Variants in PHC3 observed in about 807,000 individuals in gnomAD.
The protein encoded by PHC3 is polyhomeotic homolog 3.
In PHC3, 13 loss-of-function variants were observed where a neutral mutation model predicts 107.4. That is an observed-to-expected ratio of 0.12 (90% CI 0.08 to 0.19). The LOEUF is 0.19. Among genes scored for constraint, PHC3 ranks in the 10% least tolerant of loss-of-function variants. The pLI, the probability that PHC3 is intolerant of heterozygous loss-of-function variation, is 1.00. For synonymous variants in PHC3, 456 were observed against 427.4 expected (o/e 1.07, Z -0.83); for missense variants, 992 against 1,210.9 (o/e 0.82, Z 2.68).
rs770935957 is a variant in PHC3, at chr3:170,136,462, T to C, written c.876A>G (p.Thr292=). Residue 292 remains threonine, a synonymous_variant, in exon 7 of 15, where the codon ACA becomes ACG. Transcript: ENST00000495893. ...GESPSLESRS[T]AVTRTSSIHQ... ...GAATACTTGATGTCCGGGTGACAGC[T>C]GTGCTTCGTGATTCCAGGCTTGGGC... 1 of 1,605,096 alleles carries C rather than the reference T, an allele frequency of 6.2e-7. No homozygotes were observed. The highest frequency in any genetic ancestry group is 8.5e-7 in the Non-Finnish European group (1 of 1,176,786).
intron 2 of PHC3, among the ~76,000 whole-genome samples, chr3:170,177,214 T>G (rs147797987): frequency 0.012 from 1,854 of 152,242 alleles, 39 homozygotes; most frequent in African/African-American, 0.042. Flanking sequence ...TATTTTGAGT[T>G]CCAATATAAA....
chr3:170,124,757 A>T (rs1420122291), intron 8 of PHC3, among the ~76,000 whole-genome samples: 1 of 152,228 alleles, frequency 6.6e-6, no homozygotes, highest in Non-Finnish European at 1.5e-5. Context: ...AACTATTTTA[A>T]AAGTCTGATG....
chr3:170,113,771 G>A (rs987095412), intron 10 of PHC3, among the ~76,000 whole-genome samples: 57 of 152,166 alleles, frequency 3.7e-4, no homozygotes, highest in African/African-American at 1.3e-3. Flanking sequence ...CTGAGTTTAG[G>A]CAAGGAGTTT....
At chr3:170,163,853 ACT>A (rs1322922140) in intron 4 of PHC3, among the ~76,000 whole-genome samples, 1 of 123,516 alleles carries the variant, frequency 8.1e-6, no homozygotes, top group East Asian at 2.6e-4. Flanking sequence ...ACAGTGCAAG[ACT>A]CTGTCCAAAA....
chr3:170,175,689 C>A (rs1409161574), intron 2 of PHC3, among the ~76,000 whole-genome samples: 1 of 151,716 alleles, frequency 6.6e-6, no homozygotes, highest in Non-Finnish European at 1.5e-5. Flanking sequence ...CTTTGGGAGG[C>A]CGAGGCGGGC....
intron 4 of PHC3, chr3:170,170,718 TTAATC>T (rs1245356405): frequency 6.6e-6 from 1 of 152,264 alleles, no homozygotes; most frequent in South Asian, 2.1e-4. Flanking sequence ...CAATAATTGA[TTAATC>T]TGAGTAGAGT....
At chr3:170,116,295 T>C (rs1718953622) in intron 10 of PHC3, among the ~76,000 whole-genome samples, 1 of 152,140 alleles carries the variant, frequency 6.6e-6, no homozygotes, top group Non-Finnish European at 1.5e-5. Flanking sequence ...CCAGGTGCAG[T>C]GGGTCACACT....
chr3:170,144,477 C>T (rs376078764), intron 6 of PHC3, among the ~76,000 whole-genome samples: 1 of 152,254 alleles, frequency 6.6e-6, no homozygotes, highest in African/African-American at 2.4e-5. Flanking sequence ...TGTGTTTTCA[C>T]GTCTCTCAGG....
At chr3:170,168,258 GA>G (rs2108730101) in intron 4 of PHC3, among the ~76,000 whole-genome samples, 1 of 152,192 alleles carries the variant, frequency 6.6e-6, no homozygotes, top group South Asian at 2.1e-4. Context: ...AGTAAAAAAG[GA>G]AAAGAAATAT....
intron 7 of PHC3, among the ~76,000 whole-genome samples, chr3:170,135,498 AACACACATACACATAC>A (rs1722930696): frequency 6.7e-6 from 1 of 149,962 alleles, no homozygotes; most frequent in South Asian, 2.1e-4. Context: ...AGCCCAGTGC[AACACACATACACATAC>A]ACACACACTC....
intron 6 of PHC3, among the ~76,000 whole-genome samples, chr3:170,140,198 T>G (rs968725706): frequency 6.7e-6 from 1 of 148,238 alleles, no homozygotes; most frequent in Non-Finnish European, 1.5e-5. Flanking sequence ...ATAGCCTTAC[T>G]GGGGAATACT....
At position 170,128,967 on chromosome 3, in the gene PHC3, G is replaced by A. The variant is rs946381603; in HGVS notation, c.1505C>T (p.Ser502Leu). ...TGGGATTGGAGAGGACTGCAGGGATGAATATTGCTGGTGTGATGGAGAGAC... is the reference window on the plus strand; with the variant it reads ...TGGGATTGGAGAGGACTGCAGGGATAAATATTGCTGGTGTGATGGAGAGAC... ...QIVSPSHQQY[S>L]SLQSSPIPIA... The change falls in exon 8 of 15, where the codon TCA becomes TTA. Residue 502 changes from serine (S) to leucine (L), a missense_variant. By Grantham distance (145) the Ser-to-Leu change is moderately radical (BLOSUM62 -2). Coordinates refer to ENST00000495893, the MANE Select transcript of PHC3 (RefSeq NM_024947.4). 7 of 1,613,904 alleles carry A rather than the reference G, an allele frequency of 4.3e-6. No homozygotes were observed. The African/African-American group carries it at 8.0e-5, about 18-fold the overall frequency.
At chr3:170,111,023 A>T (rs1164808662) in intron 11 of PHC3, among the ~76,000 whole-genome samples, 1 of 152,220 alleles carries the variant, frequency 6.6e-6, no homozygotes, top group East Asian at 1.9e-4. Flanking sequence ...AATTAAAGGA[A>T]ATGAAATTCA....
chr3:170,117,732 G>GCA (rs1354442190), intron 9 of PHC3, among the ~76,000 whole-genome samples: 1 of 151,712 alleles, frequency 6.6e-6, no homozygotes, highest in Non-Finnish European at 1.5e-5. Flanking sequence ...GCACAATGGC[G>GCA]CATGCCTGTA....
chr3:170,096,611 CTCAG>C lies in PHC3; in HGVS notation c.*615_*618del, dbSNP rs1714671772. The C allele has an allele frequency of 6.6e-6, 1 of 152,266 alleles. No homozygotes were observed. The highest frequency in any genetic ancestry group is 6.5e-5 in the Admixed American group (1 of 15,270). 9.4% of individuals were successfully genotyped at this position (152,266 alleles called of 1,614,324 possible). A position where few individuals can be genotyped will look rare whatever the true frequency, so the allele number is the denominator to read the frequency against. On this transcript the variant is annotated 3_prime_UTR_variant, in exon 15 of 15. Coordinates refer to ENST00000495893, the MANE Select transcript of PHC3 (RefSeq NM_024947.4). ...GTACAAAAACTGAGAGGAAAACGTT[CTCAG>C]TCAAACCAAATTCTTGGTCAAGTTT...
chr3:170,173,105 T>C (rs1482338094), intron 2 of PHC3, among the ~76,000 whole-genome samples: 1 of 150,996 alleles, frequency 6.6e-6, no homozygotes, highest in Non-Finnish European at 1.5e-5. Context: ...GGCAGGAGAA[T>C]CGCTTGAACC....
intron 7 of PHC3, among the ~76,000 whole-genome samples, chr3:170,129,991 G>A (rs1196374640): frequency 4.6e-5 from 7 of 152,166 alleles, no homozygotes; most frequent in African/African-American, 1.4e-4. Context: ...GAGCCATCAC[G>A]CCTGGCCTGA....
intron 4 of PHC3, among the ~76,000 whole-genome samples, chr3:170,161,503 T>C (rs934567512): frequency 2.6e-5 from 4 of 152,128 alleles, no homozygotes; most frequent in Admixed American, 2.6e-4. Context: ...ATCCCTCCCA[T>C]GTGCAGTTCA....
rs760815119 is a variant in PHC3 at position 170,128,730 on chromosome 3, G to A, written c.1742C>T (p.Ala581Val). 2.5e-6 allele frequency: 4 copies of A among 1,614,040 alleles called. No homozygotes were observed. Among genetic ancestry groups the A allele is most frequent in the Non-Finnish European group, 2.5e-6 (3 of 1,179,884 alleles). Residue 581 changes from alanine (A) to valine (V), a missense_variant, in exon 8 of 15, where the codon GCG (alanine) becomes GTG (valine). By Grantham distance (64) the Ala-to-Val change is moderately conservative (BLOSUM62 0). Coordinates refer to ENST00000495893, the MANE Select transcript of PHC3 (RefSeq NM_024947.4). ...FQTLPPPQTVAVNLQVQPPAP... is the reference protein window; with the variant it reads ...FQTLPPPQTVVVNLQVQPPAP... ...TGGTGGTTGCACTTGTAGGTTTACC[G>A]CAACAGTCTGTGGAGGAGGAAGAGT...
Sources: allele counts gnomAD v4.1 joint callset (sites outside exome capture counted in the v4.1 genomes callset), GRCh38; gene constraint gnomAD v4.1.1; transcripts MANE v1.5; gene names NCBI Gene and HGNC (gene_info 2026-07-23, HGNC 2026-07-21).